The following SRCAP variants were observed in gnomAD, a reference collection of about 807,000 sequenced individuals.
SRCAP encodes chromatin remodeling protein SRCAP.
A neutral mutation model predicts 263.1 loss-of-function variants in SRCAP; 46 were observed. That is an observed-to-expected ratio of 0.17 (90% CI 0.14 to 0.22). The LOEUF is 0.22. Among genes scored for constraint, SRCAP ranks in the 10% least tolerant of loss-of-function variants. SRCAP has a pLI of 1.00. For missense variants in SRCAP, 3,695 were observed against 4,181.9 expected (o/e 0.88, Z 3.21); for synonymous variants, 1,813 against 1,662.1 (o/e 1.09, Z -2.21).
At chr16:30,735,136 A>ATTTTTT (rs10532453) in intron 31 of SRCAP, among the ~76,000 whole-genome samples, 2 of 106,508 alleles carry the variant, frequency 1.9e-5, no homozygotes, top group African/African-American at 8.8e-5. Context: ...AGTACAAAGC[A>ATTTTTT]TTTTTTTTTT....
chr16:30,734,449 A>T (rs113536311), intron 30 of SRCAP, 47 bp from the exon 31 acceptor site: 5 of 1,611,484 alleles, frequency 3.1e-6, no homozygotes, highest in Non-Finnish European at 4.2e-6. Context: ...TAGACCTAAG[A>T]CTAGCATTCT....
intron 18 of SRCAP, among the ~76,000 whole-genome samples, chr16:30,719,328 A>G (rs1330781637): frequency 6.6e-6 from 1 of 150,442 alleles, no homozygotes; most frequent in African/African-American, 2.5e-5. Flanking sequence ...GCAATTCTCC[A>G]TTTCAGCCTC....
At chr16:30,722,055 A>G in intron 21 of SRCAP, 67 bp from the exon 22 acceptor site, 6 of 1,554,574 alleles carry the variant, frequency 3.9e-6, no homozygotes, top group Non-Finnish European at 5.2e-6. Flanking sequence ...GGTGTGCTTC[A>G]TGGGGTCTGT....
intron 27 of SRCAP, among the ~76,000 whole-genome samples, chr16:30,732,982 C>T (rs1168770417): frequency 1.3e-5 from 2 of 152,058 alleles, no homozygotes; most frequent in African/African-American, 2.4e-5. Flanking sequence ...ATTACAGTCA[C>T]CCGCCATCAC....
intron 25 of SRCAP, among the ~76,000 whole-genome samples, chr16:30,727,233 T>C (rs1393409838): frequency 3.9e-5 from 6 of 152,268 alleles, no homozygotes; most frequent in African/African-American, 1.4e-4. Flanking sequence ...TGTTGAGCTT[T>C]ATTTCATGTG....
At chr16:30,704,735 A>T (rs1047752383) in intron 4 of SRCAP, among the ~76,000 whole-genome samples, 1 of 152,110 alleles carries the variant, frequency 6.6e-6, no homozygotes, top group Admixed American at 6.6e-5. Flanking sequence ...GCAGCCACCC[A>T]GGAGCCTGAG....
chr16:30,736,186 A>G lies in SRCAP; in HGVS notation c.6730-14A>G, dbSNP rs767163945. The G allele has an allele frequency of 9.0e-5, 145 of 1,613,030 alleles. No individual in the cohort carries two copies. The highest frequency in any genetic ancestry group is 6.7e-5 in the Admixed American group (4 of 59,800). On this transcript the variant is annotated splice_polypyrimidine_tract_variant and intron_variant, in intron 31 of 33. Coordinates refer to ENST00000262518, the MANE Select transcript of SRCAP (RefSeq NM_006662.3). Reference sequence around the variant, plus strand: ...AAGTCTCATGTTTTCTTTTTCTTTTATACACCCTGGTAGGCATTGTGTCGG... The same window carrying G: ...AAGTCTCATGTTTTCTTTTTCTTTTGTACACCCTGGTAGGCATTGTGTCGG...
Position 30,724,393 on chromosome 16 carries a change from CCAT to C in SRCAP, c.4975_4977del (p.Ser1659del). The C allele has an allele frequency of 6.2e-7, 1 of 1,614,172 alleles. No homozygotes were observed. Among genetic ancestry groups the C allele is most frequent in the Non-Finnish European group, 8.5e-7 (1 of 1,180,030 alleles). ...ACCAGCTCCAACCCCTGTGTTGGCT[CCAT>C]CATCAACTCAAACTATGCTACCAGC... On this transcript the variant is annotated inframe_deletion, in exon 25 of 34. Coordinates refer to ENST00000262518, the MANE Select transcript of SRCAP (RefSeq NM_006662.3).
intron 30 of SRCAP, 71 bp from the exon 31 acceptor site, chr16:30,734,425 T>C (rs2053140117): frequency 6.3e-7 from 1 of 1,591,816 alleles, no homozygotes; most frequent in South Asian, 1.1e-5. Context: ...CCAAGAACCA[T>C]CAGCCTTACA....
At position 30,724,011 on chromosome 16, in the gene SRCAP, C is replaced by T. The variant is rs1279121429; in HGVS notation, c.4587C>T (p.Pro1529=). The T allele has an allele frequency of 1.9e-6, 3 of 1,614,060 alleles. No individual in the cohort carries two copies. Among genetic ancestry groups the T allele is most frequent in the Non-Finnish European group, 2.5e-6 (3 of 1,180,018 alleles). The change falls in exon 25 of 34, where the codon CCC becomes CCT. Residue 1529 remains proline (P), a synonymous_variant. Transcript: ENST00000262518. ...CTGGTCACCCTCTGTTGTTGGCTCC[C>T]ACCTCTTCACATGTTCCAGGGTTGA... The part of the protein sequence containing the change: ...QTPGHPLLLA[P]TSSHVPGLNS...
At position 30,737,471 on chromosome 16, in the gene SRCAP, C is replaced by T; in HGVS notation, c.7431C>T (p.Leu2477=). The stretch of plus-strand genomic sequence containing the variant: ...CAGCCCCAAATCCAATAACCATTCT[C>T]CCTGTCCATATCTTGCCTTCTCCTC... ...PISAPNPITI[L]PVHILPSPPP... is the part of the protein sequence containing the mutation. The change falls in exon 34 of 34, where the codon CTC becomes CTT. Residue 2477 remains leucine, a synonymous_variant. Coordinates refer to ENST00000262518, the MANE Select transcript of SRCAP (RefSeq NM_006662.3). 8 of 1,591,802 alleles carry T rather than the reference C, an allele frequency of 5.0e-6. No individual in the cohort carries two copies. The highest frequency in any genetic ancestry group is 6.9e-6 in the Non-Finnish European group (8 of 1,164,014).
In SRCAP at chr16:30,724,209, AGCAATTCTG is replaced by A; in HGVS notation, c.4788_4796del (p.Ile1597_Ala1599del). On this transcript the variant is annotated inframe_deletion, in exon 25 of 34. Coordinates refer to ENST00000262518, the MANE Select transcript of SRCAP (RefSeq NM_006662.3). ...TGGCTCCTATGGCGGCTCCACAGAC[AGCAATTCTG>A]GCTCCTTCTCCAGCTCCTCCTCTGG... is the stretch of plus-strand genomic sequence containing the variant. 1.2e-6 allele frequency: 2 copies of A among 1,613,972 alleles called. No individual in the cohort carries two copies. The highest frequency in any genetic ancestry group is 1.7e-6 in the Non-Finnish European group (2 of 1,179,982).
rs199654817 is a variant in SRCAP at position 30,724,536 on chromosome 16, G to A, written c.5112G>A (p.Thr1704=). ...CATCTCAGACACTCTCTTTGGGAAC[G>A]GGGAACCCCCAGGGACCCTTTCCAA... ...SSPSQTLSLG[T]GNPQGPFPTQ... Residue 1704 remains threonine (T), a synonymous_variant, in exon 25 of 34, where the codon ACG becomes ACA. Transcript: ENST00000262518. The A allele has an allele frequency of 3.3e-5, 54 of 1,614,100 alleles. 1 individual carries two copies. The East Asian group carries it at 7.8e-4, about 23-fold the overall frequency.
At position 30,724,766 on chromosome 16, in the gene SRCAP, C is replaced by T; in HGVS notation, c.5342C>T (p.Ala1781Val). The part of the protein sequence containing the change: ...APASSSASLL[A>V]PASVQTLTLS... Reference sequence around the variant, plus strand: ...GCATCGTCATCTGCTTCACTCCTGGCCCCAGCTTCAGTGCAGACACTGACC... The same window carrying T: ...GCATCGTCATCTGCTTCACTCCTGGTCCCAGCTTCAGTGCAGACACTGACC... The change falls in exon 25 of 34, where the codon GCC becomes GTC. Residue 1781 changes from alanine (A) to valine (V), a missense_variant. Coordinates refer to ENST00000262518, the MANE Select transcript of SRCAP (RefSeq NM_006662.3). The T allele has an allele frequency of 3.1e-6, 5 of 1,613,738 alleles. No individual in the cohort carries two copies. Among genetic ancestry groups the T allele is most frequent in the Non-Finnish European group, 4.2e-6 (5 of 1,179,844 alleles).
intron 25 of SRCAP, 111 bp from the exon 26 acceptor site, chr16:30,728,855 A>C: frequency 7.7e-7 from 1 of 1,300,762 alleles, no homozygotes; most frequent in Non-Finnish European, 1.0e-6. Context: ...AGCATAGTGT[A>C]TTTTTGGATC....
intron 33 of SRCAP, 76 bp from the exon 34 acceptor site, chr16:30,736,973 C>T (rs1189690375): frequency 5.4e-6 from 8 of 1,483,022 alleles, no homozygotes; most frequent in Non-Finnish European, 5.4e-6. Context: ...CGCGCCTGAC[C>T]TGGAAGCTGC....
At position 30,738,092 on chromosome 16, in the gene SRCAP, C is replaced by T; in HGVS notation, c.8052C>T (p.Thr2684=). Residue 2684 remains threonine (T), a synonymous_variant, in exon 34 of 34, where the codon ACC becomes ACT. Transcript: ENST00000262518. ...SEELTEAKTP[T]SSPEKPQELV... is the part of the protein sequence containing the mutation. ...AGCTGACAGAGGCCAAGACCCCAAC[C>T]TCCAGCCCAGAGAAGCCACAGGAAC... is the stretch of plus-strand genomic sequence containing the variant. 4 of 1,614,168 alleles carry T rather than the reference C, an allele frequency of 2.5e-6. No homozygotes were observed. The highest frequency in any genetic ancestry group is 2.5e-6 in the Non-Finnish European group (3 of 1,180,044).
chr16:30,736,940 C>T (rs796920959), intron 33 of SRCAP, 109 bp from the exon 34 acceptor site: 10 of 1,268,792 alleles, frequency 7.9e-6, no homozygotes, highest in African/African-American at 7.5e-5. Flanking sequence ...TCCCCAAGTG[C>T]TGGAATTACA....
At position 30,712,583 on chromosome 16, in the gene SRCAP, C is replaced by T. The variant is rs2052903634; in HGVS notation, c.1994-96C>T. The T allele has an allele frequency of 7.0e-6, 11 of 1,568,358 alleles. No homozygotes were observed. In the South Asian group the frequency reaches 1.3e-4, roughly 18 times the overall value. ...AGAGGACAGTGTAGGTGCTAGGATT[C>T]CTAGGAAGGGCCAAAGGGTGGCCAG... On this transcript the variant is annotated intron_variant, in intron 13 of 33. Coordinates refer to ENST00000262518, the MANE Select transcript of SRCAP (RefSeq NM_006662.3).
Sources: gnomAD v4.1 joint callset for allele counts (sites outside exome capture counted in the v4.1 genomes callset) on GRCh38, gnomAD v4.1.1 for gene constraint, MANE v1.5 for transcripts, NCBI Gene and HGNC (gene_info 2026-07-23, HGNC 2026-07-21) for gene names.